The following PPP3CB variants were observed in gnomAD, a reference collection of about 807,000 sequenced individuals.
PPP3CB encodes protein phosphatase 3 catalytic subunit beta.
In PPP3CB, 8 loss-of-function variants were observed where a neutral mutation model predicts 66.4. The ratio of observed to expected loss-of-function variants is 0.12; its 90% CI spans 0.07 to 0.22. The LOEUF is 0.22. PPP3CB is among the 10% of genes least tolerant of loss of function. PPP3CB has a pLI of 1.00. For missense variants in PPP3CB, 319 were observed against 642.5 expected, an observed-to-expected ratio of 0.50 and a Z score of 5.44; for synonymous variants, 208 against 221.2, an observed-to-expected ratio of 0.94 and a Z score of 0.53.
intron 10 of PPP3CB, among the ~76,000 whole-genome samples, chr10:73,450,463 GTCC>G (rs779207450): frequency 6.6e-6 from 1 of 152,086 alleles, no homozygotes; most frequent in Non-Finnish European, 1.5e-5. Flanking sequence ...CTCCTCCTCT[GTCC>G]TCCATTTCCT....
At chr10:73,485,963 T>C (rs1488666017) in intron 1 of PPP3CB, among the ~76,000 whole-genome samples, 9 of 150,650 alleles carry the variant, frequency 6.0e-5, no homozygotes, top group African/African-American at 2.2e-4. Context: ...TTTTTTTTTT[T>C]CAGATGCAGT....
At chr10:73,458,837 A>G (rs1266496385) in intron 9 of PPP3CB, among the ~76,000 whole-genome samples, 1 of 151,890 alleles carries the variant, frequency 6.6e-6, no homozygotes, top group Admixed American at 6.6e-5. Context: ...TGGGAGGATG[A>G]AGTGGGACAA....
At chr10:73,462,566 G>T (rs1349356683) in intron 9 of PPP3CB, among the ~76,000 whole-genome samples, 1 of 151,998 alleles carries the variant, frequency 6.6e-6, no homozygotes, top group Non-Finnish European at 1.5e-5. Flanking sequence ...AAGATTTATA[G>T]GACAAATGAA....
chr10:73,455,657 C>A (rs1006274710), intron 9 of PPP3CB, among the ~76,000 whole-genome samples: 4 of 152,182 alleles, frequency 2.6e-5, no homozygotes, highest in Non-Finnish European at 4.4e-5. Flanking sequence ...CAGGCTCCGC[C>A]TCCCGGGTTC....
At chr10:73,483,225 C>T (rs978141406) in intron 1 of PPP3CB, among the ~76,000 whole-genome samples, 10 of 152,212 alleles carry the variant, frequency 6.6e-5, no homozygotes. Flanking sequence ...ATTTCAAAAC[C>T]AGCTGGGACA....
At chr10:73,444,923 C>T (rs1418351739) in intron 11 of PPP3CB, 101 bp from the exon 12 acceptor site, 1 of 1,147,730 alleles carries the variant, frequency 8.7e-7, no homozygotes, top group African/African-American at 1.6e-5. Flanking sequence ...AAATTCATGA[C>T]ATTCATTGCT....
At chr10:73,473,540 A>G (rs1385294465) in intron 4 of PPP3CB, among the ~76,000 whole-genome samples, 1 of 152,132 alleles carries the variant, frequency 6.6e-6, no homozygotes, top group African/African-American at 2.4e-5. Flanking sequence ...CTGTAATTTC[A>G]GCTACTTGGG....
At chr10:73,479,242 A>C in intron 2 of PPP3CB, 75 bp downstream of exon 2, 1 of 1,322,286 alleles carries the variant, frequency 7.6e-7, no homozygotes. Context: ...GTATCATTGA[A>C]AACAGTAAGT....
intron 1 of PPP3CB, 175 bp downstream of exon 1, chr10:73,495,630 C>A: frequency 1.0e-6 from 1 of 956,904 alleles, no homozygotes; most frequent in East Asian, 4.2e-5. Flanking sequence ...CGCGGAACCA[C>A]TGCCACCGAC....
chr10:73,477,726 G>C (rs1427466411), intron 3 of PPP3CB, among the ~76,000 whole-genome samples: 1 of 152,062 alleles, frequency 6.6e-6, no homozygotes, highest in African/African-American at 2.4e-5. Context: ...AGACCAGCCT[G>C]GGCAACATAG....
chr10:73,481,625 T>TA (rs1554825490), intron 1 of PPP3CB, among the ~76,000 whole-genome samples: 25 of 138,714 alleles, frequency 1.8e-4, no homozygotes, highest in South Asian at 2.3e-4. Flanking sequence ...TTAAAGTAAC[T>TA]AAAAAAAAAC....
intron 1 of PPP3CB, among the ~76,000 whole-genome samples, chr10:73,489,638 T>G (rs2057040504): frequency 1.3e-5 from 2 of 152,194 alleles, no homozygotes; most frequent in Admixed American, 6.5e-5. Context: ...GAGCTAGGAT[T>G]CAAACCCAGG....
intron 12 of PPP3CB, among the ~76,000 whole-genome samples, chr10:73,441,294 T>C (rs938148904): frequency 1.3e-5 from 2 of 152,156 alleles, no homozygotes; most frequent in African/African-American, 4.8e-5. Context: ...TAATTTTCCT[T>C]AACTGTTAAA....
chr10:73,474,890 G>A, intron 4 of PPP3CB, 29 bp downstream of exon 4: 6 of 1,610,650 alleles, frequency 3.7e-6, no homozygotes, highest in Non-Finnish European at 5.1e-6. Flanking sequence ...TACTGAGGAA[G>A]TGAAAACATT....
At chr10:73,476,354 C>T (rs896509956) in intron 3 of PPP3CB, among the ~76,000 whole-genome samples, 2 of 152,144 alleles carry the variant, frequency 1.3e-5, no homozygotes, top group Admixed American at 6.5e-5. Flanking sequence ...CAGTGGCTCA[C>T]GCCTGTAATC....
At chr10:73,476,620 TAAA>T (rs1296984557) in intron 3 of PPP3CB, among the ~76,000 whole-genome samples, 5 of 122,236 alleles carry the variant, frequency 4.1e-5, no homozygotes, top group African/African-American at 3.0e-5. Context: ...CCATCTCAAT[TAAA>T]AAAAAAAAAA....
At chr10:73,479,595 A>C in intron 1 of PPP3CB, 78 bp from the exon 2 acceptor site, 1 of 1,360,030 alleles carries the variant, frequency 7.4e-7, no homozygotes, top group Non-Finnish European at 1.0e-6. Context: ...GATCTAGATA[A>C]GACTAAAAAC....
intron 1 of PPP3CB, among the ~76,000 whole-genome samples, chr10:73,493,637 T>G (rs1259369526): frequency 6.6e-6 from 1 of 152,212 alleles, no homozygotes; most frequent in African/African-American, 2.4e-5. Flanking sequence ...CACACCATTT[T>G]AAAACATATA....
rs1240894692 is a variant in PPP3CB at position 73,479,512 on chromosome 10, G to A, written c.91C>T (p.Pro31Ser). ...GTCAAGCGATGTGTTGGGGGGAAAGGGACAGCTGCAAATGTTTTTAATTAA... is the reference window on the plus strand; with the variant it reads ...GTCAAGCGATGTGTTGGGGGGAAAGAGACAGCTGCAAATGTTTTTAATTAA... ...PGADRVVKAVPFPPTHRLTSE... is the reference protein window; with the variant it reads ...PGADRVVKAVSFPPTHRLTSE... Residue 31 changes from proline to serine, a missense_variant, in exon 2 of 14, where the codon CCT (proline) becomes TCT (serine). Pro to Ser is a moderately conservative substitution (Grantham distance 74). Coordinates refer to ENST00000360663, the MANE Select transcript of PPP3CB (RefSeq NM_021132.4). The A allele has an allele frequency of 1.2e-6, 2 of 1,611,454 alleles. No individual in the cohort carries two copies. The highest frequency in any genetic ancestry group is 8.5e-7 in the Non-Finnish European group (1 of 1,178,662).
Sources: allele counts gnomAD v4.1 joint callset (sites outside exome capture counted in the v4.1 genomes callset), GRCh38; gene constraint gnomAD v4.1.1; transcripts MANE v1.5; gene names NCBI Gene and HGNC (gene_info 2026-07-23, HGNC 2026-07-21).